MET: variants seen among roughly 807,000 people sequenced by gnomAD.
MET encodes the protein hepatocyte growth factor receptor.
A neutral mutation model predicts 133.1 loss-of-function variants in MET; 48 were observed. The observed-to-expected ratio is 0.36, with a 90% CI of 0.29 to 0.46. The LOEUF (loss-of-function observed/expected upper bound fraction) is 0.46. Ranked by LOEUF, MET falls within the 20% of genes least tolerant of loss-of-function variation. MET has a pLI of 1.00. For synonymous variants in MET, 628 were observed against 616.5 expected (o/e 1.02, Z -0.28); for missense variants, 1,442 against 1,695.9 (o/e 0.85, Z 2.63).
At position 116,731,845 on chromosome 7, in the gene MET, G is replaced by A. The variant is rs1584914352; in HGVS notation, c.1378G>A (p.Gly460Ser). 1.9e-6 allele frequency: 3 copies of A among 1,613,990 alleles called. No individual in the cohort carries two copies. The highest frequency in any genetic ancestry group is 2.2e-5 in the East Asian group (1 of 44,878). ...LTIANLGTSE[G>S]RFMQVVVSRS... ...CATAGCTAATCTTGGGACATCAGAG[G>A]GTCGCTTCATGCAGGTAAGTGCTTT... is the stretch of plus-strand genomic sequence containing the variant. Residue 460 changes from glycine to serine, a missense_variant, in exon 3 of 21, where the codon GGT (glycine) becomes AGT (serine). Gly to Ser is a moderately conservative substitution (Grantham distance 56, BLOSUM62 0). Transcript: ENST00000397752.
intron 2 of MET, among the ~76,000 whole-genome samples, chr7:116,709,294 G>T (rs138598351): frequency 2.4e-3 from 368 of 152,250 alleles, no homozygotes; most frequent in Non-Finnish European, 4.2e-3. Context: ...AAGGCACTTT[G>T]TCATGCTTCT....
chr7:116,694,220 T>A (rs1796879610), intron 1 of MET, among the ~76,000 whole-genome samples: 1 of 152,182 alleles, frequency 6.6e-6, no homozygotes, highest in South Asian at 2.1e-4. Flanking sequence ...GGAAGGGCCT[T>A]TATTAATGGG....
Position 116,796,159 on chromosome 7 carries a change from T to G in MET, c.*35T>G. 6.3e-7 allele frequency: 1 copy of G among 1,593,770 alleles called. No individual in the cohort carries two copies. Among genetic ancestry groups the G allele is most frequent in the South Asian group, 1.1e-5 (1 of 90,614 alleles). On this transcript the variant is annotated 3_prime_UTR_variant, in exon 21 of 21. Coordinates refer to ENST00000397752, the MANE Select transcript of MET (RefSeq NM_000245.4). Reference sequence around the variant, plus strand: ...TATGTCAAAGCAACAGTCCACACTTTGTCCAATGGTTTTTTCACTGCCTGA... The same window carrying G: ...TATGTCAAAGCAACAGTCCACACTTGGTCCAATGGTTTTTTCACTGCCTGA...
chr7:116,775,777 C>G (rs1052182877), intron 15 of MET, among the ~76,000 whole-genome samples: 4 of 152,144 alleles, frequency 2.6e-5, no homozygotes, highest in African/African-American at 7.2e-5. Flanking sequence ...CAATCTCTCT[C>G]CAGTCTTTCT....
Position 116,700,122 on chromosome 7 carries a change from C to G in MET, c.1038C>G (p.Phe346Leu), listed in dbSNP as rs376235685. The G allele has an allele frequency of 6.2e-7, 1 of 1,605,608 alleles. No homozygotes were observed. Among genetic ancestry groups the G allele is most frequent in the Non-Finnish European group, 8.5e-7 (1 of 1,176,174 alleles). The change falls in exon 2 of 21, where the codon TTC (phenylalanine) becomes TTG (leucine). Residue 346 changes from phenylalanine (F) to leucine (L), a missense_variant. Phe to Leu is a conservative substitution (Grantham distance 22). Coordinates refer to ENST00000397752, the MANE Select transcript of MET (RefSeq NM_000245.4). ...SLNDDILFGV[F>L]AQSKPDSAEP... ...ATGATGACATTCTTTTCGGGGTGTTCGCACAAAGCAAGCCAGATTCTGCCG... is the reference window on the plus strand; with the variant it reads ...ATGATGACATTCTTTTCGGGGTGTTGGCACAAAGCAAGCCAGATTCTGCCG...
chr7:116,744,327 G>A (rs528063210), intron 5 of MET, among the ~76,000 whole-genome samples: 21 of 152,020 alleles, frequency 1.4e-4, no homozygotes, highest in African/African-American at 2.2e-4. Flanking sequence ...TAGAATAACC[G>A]TTTAGAGAAA....
intron 3 of MET, among the ~76,000 whole-genome samples, chr7:116,732,873 T>C (rs1297979004): frequency 6.6e-6 from 1 of 152,220 alleles, no homozygotes; most frequent in Non-Finnish European, 1.5e-5. Flanking sequence ...TATGTTTTTC[T>C]TGTACTAAAG....
At chr7:116,734,900 G>A (rs575049652) in intron 3 of MET, among the ~76,000 whole-genome samples, 7 of 152,268 alleles carry the variant, frequency 4.6e-5, no homozygotes, top group South Asian at 2.1e-4. Flanking sequence ...CCTTCTGAGC[G>A]CCTCGTCTAA....
intron 2 of MET, chr7:116,724,331 G>C: frequency 5.5e-6 from 1 of 181,278 alleles, no homozygotes; most frequent in Non-Finnish European, 1.2e-5. Context: ...TTCGGCTCGC[G>C]CACGGTGCAC....
chr7:116,737,974 G>T (rs767654490), intron 3 of MET, among the ~76,000 whole-genome samples: 12 of 152,090 alleles, frequency 7.9e-5, no homozygotes, highest in Non-Finnish European at 1.8e-4. Context: ...TTATGTAGCC[G>T]GTCTAAGTAG....
chr7:116,676,873 A>G (rs1356052241), intron 1 of MET, among the ~76,000 whole-genome samples: 1 of 152,164 alleles, frequency 6.6e-6, no homozygotes, highest in Non-Finnish European at 1.5e-5. Context: ...TTTGTAGGGA[A>G]ATACCTGGAC....
At chr7:116,788,383 A>T (rs970310147) in intron 19 of MET, among the ~76,000 whole-genome samples, 10 of 152,170 alleles carry the variant, frequency 6.6e-5, no homozygotes, top group Non-Finnish European at 1.5e-4. Context: ...GCTGATTTAT[A>T]AAAAAAGAGC....
intron 2 of MET, among the ~76,000 whole-genome samples, chr7:116,729,901 C>G (rs1792933975): frequency 6.6e-6 from 1 of 152,228 alleles, no homozygotes; most frequent in Non-Finnish European, 1.5e-5. Context: ...TACTAAACAT[C>G]TACTATGCAT....
At chr7:116,727,578 T>C (rs1360751951) in intron 2 of MET, among the ~76,000 whole-genome samples, 1 of 152,188 alleles carries the variant, frequency 6.6e-6, no homozygotes, top group Non-Finnish European at 1.5e-5. Flanking sequence ...CTTTAGACTC[T>C]TCTGCAGTTC....
intron 5 of MET, among the ~76,000 whole-genome samples, chr7:116,741,302 G>A (rs186856609): frequency 6.6e-6 from 1 of 152,252 alleles, no homozygotes; most frequent in East Asian, 1.9e-4. Context: ...TCGCTGGGCA[G>A]CTGCTCACCT....
intron 5 of MET, among the ~76,000 whole-genome samples, chr7:116,750,969 T>G (rs1793896907): frequency 6.6e-6 from 1 of 152,200 alleles, no homozygotes; most frequent in Non-Finnish European, 1.5e-5. Flanking sequence ...TTTACACTGT[T>G]GGTGGGAGTG....
Position 116,771,626 on chromosome 7 carries a change from G to C in MET, c.2859G>C (p.Leu953=), listed in dbSNP as rs1355100822. 2.5e-6 allele frequency: 4 copies of C among 1,613,838 alleles called. No individual in the cohort carries two copies. The highest frequency in any genetic ancestry group is 3.4e-6 in the Non-Finnish European group (4 of 1,179,798). Reference sequence around the variant, plus strand: ...TGTTATTACTACTTGGGTTTTTCCTGTGGCTGAAAAAGAGAAAGCAAATTA... The same window carrying C: ...TGTTATTACTACTTGGGTTTTTCCTCTGGCTGAAAAAGAGAAAGCAAATTA... ...TALLLLLGFF[L]WLKKRKQIKD... The change falls in exon 13 of 21, where the codon CTG becomes CTC. Residue 953 remains leucine (L), a synonymous_variant. Transcript: ENST00000397752.
Position 116,797,493 on chromosome 7 carries a change from A to G in MET, c.*1369A>G, listed in dbSNP as rs1795712972. 8.7e-6 allele frequency: 2 copies of G among 229,602 alleles called. No homozygotes were observed. Among genetic ancestry groups the G allele is most frequent in the East Asian group, 1.3e-4 (2 of 15,968 alleles). 14.2% of individuals were successfully genotyped at this position (229,602 alleles called of 1,614,324 possible). A position where few individuals can be genotyped will look rare whatever the true frequency, so the allele number is the denominator to read the frequency against. The stretch of plus-strand genomic sequence containing the variant: ...TGAAAATCCCAGCTATTTCACCTAG[A>G]TGGAATAGCCACCCTGAGCAGAACT... On this transcript the variant is annotated 3_prime_UTR_variant, in exon 21 of 21. Transcript: ENST00000397752.
intron 2 of MET, among the ~76,000 whole-genome samples, chr7:116,704,003 G>A (rs980049383): frequency 2.0e-5 from 3 of 152,092 alleles, no homozygotes; most frequent in East Asian, 1.9e-4. Flanking sequence ...AAGTATTTTC[G>A]CCAACATCTT....
Sources: gnomAD v4.1 joint callset for allele counts (sites outside exome capture counted in the v4.1 genomes callset) on GRCh38, gnomAD v4.1.1 for gene constraint, MANE v1.5 for transcripts, NCBI Gene and HGNC (gene_info 2026-07-23, HGNC 2026-07-21) for gene names.